Variants in LYPLAL1 observed in about 807,000 individuals in gnomAD.
LYPLAL1 encodes the protein lysophospholipase like 1.
In LYPLAL1, 23 loss-of-function variants were observed where a neutral mutation model predicts 19.7. The observed-to-expected ratio is 1.17, with a 90% CI of 0.84 to 1.65. The LOEUF is 1.65. LYPLAL1 is among the 40% of genes most tolerant of loss of function. LYPLAL1 has a pLI of 0.00. For synonymous variants in LYPLAL1, 119 were observed against 96.3 expected (o/e 1.24, Z -1.38); for missense variants, 355 against 279.4 (o/e 1.27, Z -1.93).
At chr1:219,413,143 A>C in the LYPLAL1 span, among the ~76,000 whole-genome samples, 1 of 151,152 alleles carries the variant, frequency 6.6e-6, no homozygotes, top group African/African-American at 2.4e-5. Flanking sequence ...TTGACAAAGA[A>C]AAAAAAAATG....
chr1:219,183,634 C>A (rs940400338), intron 2 of LYPLAL1, among the ~76,000 whole-genome samples: 1 of 151,906 alleles, frequency 6.6e-6, no homozygotes, highest in African/African-American at 2.4e-5. Flanking sequence ...ATTACTGTAG[C>A]ATAGTTTGGC....
At chr1:219,315,069 T>G in the LYPLAL1 span, among the ~76,000 whole-genome samples, 1 of 152,156 alleles carries the variant, frequency 6.6e-6, no homozygotes, top group Non-Finnish European at 1.5e-5. Flanking sequence ...TAAGCTTTAC[T>G]GTTGGTAACA....
the LYPLAL1 span, among the ~76,000 whole-genome samples, chr1:219,292,770 A>G: frequency 6.6e-6 from 1 of 152,324 alleles, no homozygotes; most frequent in East Asian, 1.9e-4. Context: ...TAAGAAGGTT[A>G]TTATAAAAAT....
chr1:219,423,403 A>G, the LYPLAL1 span, among the ~76,000 whole-genome samples: 8 of 152,282 alleles, frequency 5.3e-5, no homozygotes, highest in African/African-American at 1.9e-4. Flanking sequence ...AAGAGGGTGA[A>G]TGTGTTTCGT....
chr1:219,385,031 T>C, the LYPLAL1 span, among the ~76,000 whole-genome samples: 1 of 152,170 alleles, frequency 6.6e-6, no homozygotes, highest in Non-Finnish European at 1.5e-5. Context: ...GGTGGGCTTT[T>C]TCTCCCAGTA....
chr1:219,174,168 T>C, intron 1 of LYPLAL1, 187 bp downstream of exon 1: 1 of 1,426,132 alleles, frequency 7.0e-7, no homozygotes, highest in South Asian at 1.5e-5. Flanking sequence ...CCCGTTAGTC[T>C]TCCTCTTTCT....
At chr1:219,313,164 G>T in the LYPLAL1 span, among the ~76,000 whole-genome samples, 6 of 152,044 alleles carry the variant, frequency 3.9e-5, no homozygotes, top group East Asian at 1.2e-3. Context: ...CTTGGGAAAT[G>T]ATAACATAGA....
intron 2 of LYPLAL1, among the ~76,000 whole-genome samples, chr1:219,187,029 TTTG>T (rs1013693245): frequency 6.6e-6 from 1 of 151,220 alleles, no homozygotes; most frequent in African/African-American, 2.4e-5. Flanking sequence ...CTTAGAGTTC[TTTG>T]TTGTTTTTTT....
In LYPLAL1 at chr1:219,178,541, C is replaced by G. The variant is rs541911630; in HGVS notation, c.92-606C>G. ...GACTTATATTTCCTTCCATTTTTTTCTGTAAATACATATACATTAATATTT... is the reference window on the plus strand; with the variant it reads ...GACTTATATTTCCTTCCATTTTTTTGTGTAAATACATATACATTAATATTT... On this transcript the variant is annotated intron_variant, in intron 1 of 4. Coordinates refer to ENST00000366928, the MANE Select transcript of LYPLAL1 (RefSeq NM_138794.5). Among the ~76,000 whole-genome samples, 6 of 152,208 alleles carry G rather than the reference C, an allele frequency of 3.9e-5. No homozygotes were observed. In the South Asian group the frequency reaches 1.2e-3, roughly 32 times the overall value.
At chr1:219,306,851 G>GATAGAT in the LYPLAL1 span, among the ~76,000 whole-genome samples, 1 of 77,596 alleles carries the variant, frequency 1.3e-5, no homozygotes, top group East Asian at 3.8e-4. Flanking sequence ...TAGATAGATA[G>GATAGAT]ACAGACAGAC....
the LYPLAL1 span, among the ~76,000 whole-genome samples, chr1:219,444,804 C>A: frequency 2.0e-5 from 3 of 152,164 alleles, no homozygotes; most frequent in African/African-American, 7.2e-5. Context: ...AGCTCTTCCT[C>A]CAGAATTTTA....
At chr1:219,256,830 G>A in the LYPLAL1 span, among the ~76,000 whole-genome samples, 1 of 151,870 alleles carries the variant, frequency 6.6e-6, no homozygotes, top group South Asian at 2.1e-4. Context: ...TTATCAAGAA[G>A]TATACTACTT....
the LYPLAL1 span, among the ~76,000 whole-genome samples, chr1:219,289,591 G>GA: frequency 1.3e-5 from 2 of 152,082 alleles, no homozygotes; most frequent in African/African-American, 2.4e-5. Flanking sequence ...TGGGCATGCA[G>GA]AAAGAAGTAT....
the LYPLAL1 span, among the ~76,000 whole-genome samples, chr1:219,333,388 G>T: frequency 5.3e-5 from 8 of 151,934 alleles, no homozygotes; most frequent in Non-Finnish European, 8.8e-5. Flanking sequence ...ACTCTCAGGA[G>T]TTGCACAGTA....
At chr1:219,280,138 G>C in the LYPLAL1 span, among the ~76,000 whole-genome samples, 1 of 152,134 alleles carries the variant, frequency 6.6e-6, no homozygotes, top group Non-Finnish European at 1.5e-5. Flanking sequence ...CATTTTCATC[G>C]CTTTCTACTG....
chr1:219,366,934 C>T, the LYPLAL1 span, among the ~76,000 whole-genome samples: 1 of 151,894 alleles, frequency 6.6e-6, no homozygotes, highest in Non-Finnish European at 1.5e-5. Flanking sequence ...GATTTTTTAT[C>T]CCTTGGTCAC....
the LYPLAL1 span, among the ~76,000 whole-genome samples, chr1:219,255,691 C>G: frequency 6.6e-6 from 1 of 151,884 alleles, no homozygotes; most frequent in Non-Finnish European, 1.5e-5. Flanking sequence ...AAGACGAAAT[C>G]TTTTAATAAA....
the LYPLAL1 span, among the ~76,000 whole-genome samples, chr1:219,418,670 C>T: frequency 6.6e-6 from 1 of 152,180 alleles, no homozygotes; most frequent in African/African-American, 2.4e-5. Flanking sequence ...CCACAGTTTA[C>T]ATTAGCATTC....
At chr1:219,289,281 T>C in the LYPLAL1 span, among the ~76,000 whole-genome samples, 1 of 152,066 alleles carries the variant, frequency 6.6e-6, no homozygotes, top group Admixed American at 6.6e-5. Flanking sequence ...ATCATCGTGA[T>C]CTGAGAACCA....
Sources: gnomAD v4.1 joint callset for allele counts (sites outside exome capture counted in the v4.1 genomes callset) on GRCh38, gnomAD v4.1.1 for gene constraint, MANE v1.5 for transcripts, NCBI Gene and HGNC (gene_info 2026-07-23, HGNC 2026-07-21) for gene names.